Variants in NCOA1 observed in about 807,000 individuals in gnomAD.
NCOA1 encodes Hin-2 protein.
Under a neutral mutation model 150.9 loss-of-function variants are expected in NCOA1, and 35 were observed. The observed-to-expected ratio is 0.23, with a 90% CI of 0.18 to 0.31. The LOEUF is 0.31. NCOA1 is among the 10% of genes least tolerant of loss of function. NCOA1 has a pLI of 1.00. For synonymous variants in NCOA1, 590 were observed against 630.0 expected (o/e 0.94, Z 0.95); for missense variants, 1,491 against 1,749.3 (o/e 0.85, Z 2.63).
At chr2:24,692,434 G>A (rs1165854353) in intron 9 of NCOA1, among the ~76,000 whole-genome samples, 1 of 152,196 alleles carries the variant, frequency 6.6e-6, no homozygotes, top group Non-Finnish European at 1.5e-5. Flanking sequence ...CAAAACTTGG[G>A]AATGGGACTT....
chr2:24,637,995 C>T (rs1013134666), intron 3 of NCOA1, among the ~76,000 whole-genome samples: 6 of 149,488 alleles, frequency 4.0e-5, no homozygotes, highest in Admixed American at 1.3e-4. Context: ...TGCACCTGGC[C>T]GAAACTATAC....
chr2:24,624,703 C>T (rs1460276758), intron 3 of NCOA1, among the ~76,000 whole-genome samples: 2 of 152,094 alleles, frequency 1.3e-5, no homozygotes, highest in East Asian at 1.9e-4. Context: ...AATGATGAAA[C>T]AATATATACA....
Position 24,706,909 on chromosome 2 carries a change from G to A in NCOA1, c.1439G>A (p.Gly480Glu). 6.2e-7 allele frequency: 1 copy of A among 1,614,132 alleles called. No individual in the cohort carries two copies. Reference sequence around the variant, plus strand: ...AATAATTCTCCTATGGAAGGTACAGGAATATCCCTAGCACAGTTCATGTCT... The same window carrying A: ...AATAATTCTCCTATGGAAGGTACAGAAATATCCCTAGCACAGTTCATGTCT... ...NLNNSPMEGT[G>E]ISLAQFMSPR... Residue 480 changes from glycine to glutamate, a missense_variant, in exon 13 of 23, where the codon GGA (glycine) becomes GAA (glutamate). Gly to Glu is a moderately conservative substitution (Grantham distance 98, BLOSUM62 -2). Transcript: ENST00000348332.
chr2:24,539,233 G>A (rs1665290634), intron 1 of NCOA1, among the ~76,000 whole-genome samples: 1 of 152,104 alleles, frequency 6.6e-6, no homozygotes, highest in South Asian at 2.1e-4. Flanking sequence ...CAAAGTGCTG[G>A]GATTACAGGC....
chr2:24,597,979 C>T (rs1425023695), intron 3 of NCOA1, among the ~76,000 whole-genome samples: 1 of 152,044 alleles, frequency 6.6e-6, no homozygotes, highest in Non-Finnish European at 1.5e-5. Flanking sequence ...CTTCCTGTGT[C>T]CAAGTGTTCT....
At chr2:24,622,369 G>T (rs1669207065) in intron 3 of NCOA1, among the ~76,000 whole-genome samples, 1 of 152,184 alleles carries the variant, frequency 6.6e-6, no homozygotes, top group Non-Finnish European at 1.5e-5. Context: ...GACATCTGTA[G>T]CACTCTCCAC....
At chr2:24,696,376 T>C (rs1385235926) in intron 10 of NCOA1, among the ~76,000 whole-genome samples, 2 of 152,224 alleles carry the variant, frequency 1.3e-5, no homozygotes, top group Non-Finnish European at 2.9e-5. Flanking sequence ...CAGGCATTCA[T>C]AGAAGAGGAA....
intron 5 of NCOA1, among the ~76,000 whole-genome samples, chr2:24,663,753 T>G (rs908896376): frequency 6.6e-6 from 1 of 152,204 alleles, no homozygotes; most frequent in African/African-American, 2.4e-5. Flanking sequence ...ATGGTGATTT[T>G]TCCTAGTCTC....
intron 14 of NCOA1, 23 bp downstream of exon 14, chr2:24,711,134 C>G: frequency 6.3e-7 from 1 of 1,593,276 alleles, no homozygotes; most frequent in Non-Finnish European, 8.6e-7. Flanking sequence ...GACAACACCT[C>G]ATTTTAAACG....
chr2:24,753,453 C>T (rs1361800966), intron 20 of NCOA1, among the ~76,000 whole-genome samples: 1 of 152,048 alleles, frequency 6.6e-6, no homozygotes, highest in Non-Finnish European at 1.5e-5. Context: ...AAAGATTATA[C>T]TCTATCCACT....
chr2:24,577,688 A>G (rs1309316241), intron 2 of NCOA1, among the ~76,000 whole-genome samples: 1 of 152,220 alleles, frequency 6.6e-6, no homozygotes, highest in Non-Finnish European at 1.5e-5. Context: ...ATTGATATCC[A>G]GCACTTGGGT....
intron 1 of NCOA1, among the ~76,000 whole-genome samples, chr2:24,517,234 A>G (rs567016396): frequency 6.6e-6 from 1 of 151,958 alleles, no homozygotes; most frequent in African/African-American, 2.4e-5. Context: ...TTTTTATACT[A>G]TATTTTCTGC....
intron 6 of NCOA1, among the ~76,000 whole-genome samples, chr2:24,671,395 G>T (rs2148516313): frequency 6.6e-6 from 1 of 152,262 alleles, no homozygotes; most frequent in Non-Finnish European, 1.5e-5. Flanking sequence ...AGTGGTGCAT[G>T]TCTGTAATCC....
chr2:24,639,265 T>G (rs762032636), intron 3 of NCOA1, among the ~76,000 whole-genome samples: 11 of 152,106 alleles, frequency 7.2e-5, no homozygotes, highest in Non-Finnish European at 1.5e-4. Context: ...TGTTTCTTTC[T>G]GTGGTTATTT....
At chr2:24,496,991 C>T (rs1335861629) in intron 1 of NCOA1, among the ~76,000 whole-genome samples, 1 of 152,100 alleles carries the variant, frequency 6.6e-6, no homozygotes, top group African/African-American at 2.4e-5. Flanking sequence ...TGTAGAAAAA[C>T]GTCTGCTTTT....
chr2:24,572,647 C>A (rs1666787546), intron 2 of NCOA1, among the ~76,000 whole-genome samples: 1 of 152,166 alleles, frequency 6.6e-6, no homozygotes. Flanking sequence ...TTTCTGTACT[C>A]CATCACCTCC....
At chr2:24,524,022 A>G (rs181755774) in intron 1 of NCOA1, among the ~76,000 whole-genome samples, 49 of 151,400 alleles carry the variant, frequency 3.2e-4, no homozygotes, top group Non-Finnish European at 6.6e-4. Flanking sequence ...GAAGAAATCC[A>G]CTTATGGGAG....
intron 1 of NCOA1, among the ~76,000 whole-genome samples, 48 bp downstream of exon 1, chr2:24,491,650 C>T (rs1662963848): frequency 6.7e-6 from 1 of 150,160 alleles, no homozygotes; most frequent in Admixed American, 6.6e-5. Flanking sequence ...GTGCAGCTGT[C>T]ACGAGCCGCG....
chr2:24,513,793 T>A (rs1390647999), intron 1 of NCOA1, among the ~76,000 whole-genome samples: 4 of 152,192 alleles, frequency 2.6e-5, no homozygotes, highest in Non-Finnish European at 4.4e-5. Flanking sequence ...TTATCTAAAA[T>A]GGGATTCATA....
Sources: gnomAD v4.1 joint callset for allele counts (sites outside exome capture counted in the v4.1 genomes callset) on GRCh38, gnomAD v4.1.1 for gene constraint, MANE v1.5 for transcripts, NCBI Gene and HGNC (gene_info 2026-07-23, HGNC 2026-07-21) for gene names.